GAS2: variants seen among roughly 807,000 people sequenced by gnomAD.
The protein encoded by GAS2 is growth arrest-specific protein 2.
A neutral mutation model predicts 37.5 loss-of-function variants in GAS2; 20 were observed. That is an observed-to-expected ratio of 0.53 (90% CI 0.37 to 0.77). The LOEUF is 0.77. Ranked by LOEUF, GAS2 falls within the 30% of genes least tolerant of loss-of-function variation. The pLI is 0.00. For missense variants in GAS2, 336 were observed against 373.4 expected, an observed-to-expected ratio of 0.90 and a Z score of 0.82; for synonymous variants, 144 against 132.2, an observed-to-expected ratio of 1.09 and a Z score of -0.61.
chr11:22,783,332 C>G (rs992321312), intron 7 of GAS2, among the ~76,000 whole-genome samples: 2 of 152,070 alleles, frequency 1.3e-5, no homozygotes, highest in Non-Finnish European at 2.9e-5. Flanking sequence ...TTTATAGATT[C>G]TGGATATCAC....
chr11:22,790,947 A>G lies in GAS2; in HGVS notation c.724-20851A>G, dbSNP rs73484223. Among the ~76,000 whole-genome samples, 856 of 152,314 alleles carry G rather than the reference A, an allele frequency of 5.6e-3. 8 individuals are homozygous for G. The highest frequency in any genetic ancestry group is 0.018 in the African/African-American group (768 of 41,566). On this transcript the variant is annotated intron_variant, in intron 7 of 7. Transcript: ENST00000454584. Reference sequence around the variant, plus strand: ...GATAATTGGGAAATAAAACAGCTATATAAATGGACATCAGAGGAGAAATAA... The same window carrying G: ...GATAATTGGGAAATAAAACAGCTATGTAAATGGACATCAGAGGAGAAATAA...
upstream of GAS2, among the ~76,000 whole-genome samples, chr11:22,662,902 T>A (rs1179784807): frequency 6.6e-6 from 1 of 151,790 alleles, no homozygotes; most frequent in African/African-American, 2.4e-5. Flanking sequence ...AAAATAAAAA[T>A]AAAAAATTAG....
chr11:22,724,221 G>T (rs1479894), intron 3 of GAS2, among the ~76,000 whole-genome samples: 1 of 151,782 alleles, frequency 6.6e-6, no homozygotes, highest in African/African-American at 2.4e-5. Flanking sequence ...ATATCTGTTT[G>T]CAAATTTGTT....
At chr11:22,755,389 C>G (rs1853971672) in intron 6 of GAS2, among the ~76,000 whole-genome samples, 1 of 152,000 alleles carries the variant, frequency 6.6e-6, no homozygotes, top group African/African-American at 2.4e-5. Flanking sequence ...ACTTGTTAAA[C>G]TCACTCTCAT....
At chr11:22,651,038 A>G (rs1848769048) in intron 1 of GAS2, among the ~76,000 whole-genome samples, 1 of 152,072 alleles carries the variant, frequency 6.6e-6, no homozygotes. Flanking sequence ...TTTTGGCATG[A>G]TTTTGCAGCA....
intron 2 of GAS2, among the ~76,000 whole-genome samples, chr11:22,678,009 A>T (rs1849511669): frequency 6.6e-6 from 1 of 152,168 alleles, no homozygotes; most frequent in Non-Finnish European, 1.5e-5. Context: ...TAATGGTCGT[A>T]GTTATAACAC....
At chr11:22,744,750 A>G (rs1853287926) in intron 5 of GAS2, among the ~76,000 whole-genome samples, 2 of 152,158 alleles carry the variant, frequency 1.3e-5, no homozygotes, top group Non-Finnish European at 2.9e-5. Flanking sequence ...AAGGGGAATG[A>G]GACAAGGATG....
intron 7 of GAS2, among the ~76,000 whole-genome samples, chr11:22,761,247 A>G (rs1037130783): frequency 5.3e-5 from 8 of 152,090 alleles, no homozygotes; most frequent in Admixed American, 1.3e-4. Context: ...TTGGTGTTCC[A>G]TTCCTTTAGG....
In GAS2 at chr11:22,738,071, A is replaced by G. The variant is rs138484078; in HGVS notation, c.473+303A>G. On this transcript the variant is annotated intron_variant, in intron 5 of 7. Coordinates refer to ENST00000454584, the MANE Select transcript of GAS2 (RefSeq NM_001143830.3). ...CATTGTACATGCAGTTTTATATGAC[A>G]GTTCTCCTTAGTGGAAAGTCTATTC... Among the ~76,000 whole-genome samples the G allele has an allele frequency of 7.2e-3, 1,090 of 152,278 alleles. 21 individuals are homozygous for G. Among genetic ancestry groups the G allele is most frequent in the African/African-American group, 0.025 (1,032 of 41,560 alleles).
chr11:22,657,815 A>G (rs961377880), intron 1 of GAS2, among the ~76,000 whole-genome samples: 9 of 152,140 alleles, frequency 5.9e-5, no homozygotes, highest in African/African-American at 2.2e-4. Context: ...ACAATCATAT[A>G]TTACTTTTAA....
At chr11:22,641,901 A>G (rs1265112556) in intron 1 of GAS2, among the ~76,000 whole-genome samples, 2 of 152,224 alleles carry the variant, frequency 1.3e-5, no homozygotes, top group Non-Finnish European at 2.9e-5. Context: ...TCATTGTTAC[A>G]GTAATAAATG....
intron 3 of GAS2, among the ~76,000 whole-genome samples, chr11:22,692,462 G>T (rs1399147462): frequency 6.6e-6 from 1 of 152,176 alleles, no homozygotes; most frequent in Admixed American, 6.6e-5. Flanking sequence ...ATCAATATAT[G>T]TAAGAAGTAC....
Position 22,711,481 on chromosome 11 carries a change from G to C in GAS2, c.268-14811G>C, listed in dbSNP as rs186699451. On this transcript the variant is annotated intron_variant, in intron 3 of 7. Transcript: ENST00000454584. ...GACTGAGCACAAACTTTCCTGAGCA[G>C]AATCAGGGGGAGACGGGGAAAACAG... Among the ~76,000 whole-genome samples the C allele has an allele frequency of 8.8e-4, 134 of 152,338 alleles. 1 individual carries two copies. Among genetic ancestry groups the C allele is most frequent in the African/African-American group, 2.5e-3 (106 of 41,586 alleles).
chr11:22,748,646 G>A (rs1383086689), intron 5 of GAS2, among the ~76,000 whole-genome samples: 1 of 152,010 alleles, frequency 6.6e-6, no homozygotes, highest in Admixed American at 6.6e-5. Flanking sequence ...TATATTCAAA[G>A]TTAATTCTTT....
intron 5 of GAS2, among the ~76,000 whole-genome samples, chr11:22,742,639 C>A (rs1004549436): frequency 3.9e-5 from 6 of 151,966 alleles, no homozygotes; most frequent in Admixed American, 2.6e-4. Context: ...TTATGTTCAG[C>A]GGCATAACTA....
chr11:22,789,303 T>TATATATATATATACACACAC (rs1350750428), intron 7 of GAS2, among the ~76,000 whole-genome samples: 3 of 111,120 alleles, frequency 2.7e-5, no homozygotes, highest in African/African-American at 1.1e-4. Flanking sequence ...TATATATATA[T>TATATATATATATACACACAC]ACACACACAC....
chr11:22,637,197 TTAA>T (rs1450757302), intron 1 of GAS2, among the ~76,000 whole-genome samples: 1 of 97,250 alleles, frequency 1.0e-5, no homozygotes, highest in East Asian at 3.4e-4. Flanking sequence ...TAATATTATA[TTAA>T]TATATTACTT....
chr11:22,676,980 G>T (rs12274430), intron 2 of GAS2, among the ~76,000 whole-genome samples: 2,645 of 152,156 alleles, frequency 0.017, 76 homozygotes, highest in African/African-American at 0.059. Context: ...ACATAATCAA[G>T]CAGTAAATAA....
At chr11:22,673,898 T>G (rs547277427) in intron 1 of GAS2, among the ~76,000 whole-genome samples, 1 of 152,348 alleles carries the variant, frequency 6.6e-6, no homozygotes, top group South Asian at 2.1e-4. Flanking sequence ...GATATTTAAG[T>G]ACTTCTACTC....
Sources: gnomAD v4.1 joint callset for allele counts (sites outside exome capture counted in the v4.1 genomes callset) on GRCh38, gnomAD v4.1.1 for gene constraint, MANE v1.5 for transcripts, NCBI Gene and HGNC (gene_info 2026-07-23, HGNC 2026-07-21) for gene names.